LAMB1: variants seen among roughly 807,000 people sequenced by gnomAD.
LAMB1 encodes laminin subunit beta-1.
Under a neutral mutation model 222.3 loss-of-function variants are expected in LAMB1, and 121 were observed. The observed-to-expected ratio is 0.54, with a 90% CI of 0.47 to 0.63. LAMB1 has a LOEUF of 0.63. Ranked by LOEUF, LAMB1 falls within the 30% of genes least tolerant of loss-of-function variation. The pLI is 0.00. For missense variants in LAMB1, 2,172 were observed against 2,240.8 expected (o/e 0.97, Z 0.62); for synonymous variants, 794 against 807.2 (o/e 0.98, Z 0.28).
At position 107,952,037 on chromosome 7, in the gene LAMB1, G is replaced by A. The variant is rs1442505482; in HGVS notation, c.3266C>T (p.Ala1089Val). Residue 1089 changes from alanine (A) to valine (V), a missense_variant, in exon 23 of 34, where the codon GCT (alanine) becomes GTT (valine). Coordinates refer to ENST00000222399, the MANE Select transcript of LAMB1 (RefSeq NM_002291.3). ...TGCDPCNCNA[A>V]HSFGPSCNEF... Reference sequence around the variant, plus strand: ...ATTGCAAGATGGCCCGAAGGAATGAGCAGCATTGCAGTTGCATGGGTCACA... The same window carrying A: ...ATTGCAAGATGGCCCGAAGGAATGAACAGCATTGCAGTTGCATGGGTCACA... 6.2e-7 allele frequency: 1 copy of A among 1,613,352 alleles called. No individual in the cohort carries two copies. Among genetic ancestry groups the A allele is most frequent in the Non-Finnish European group, 8.5e-7 (1 of 1,179,570 alleles).
chr7:108,002,319 G>A, intron 2 of LAMB1: 2 of 1,316,608 alleles, frequency 1.5e-6, no homozygotes, highest in Non-Finnish European at 2.0e-6. Flanking sequence ...CCCATGGACA[G>A]TCCCTGGGGC....
At chr7:107,944,808 C>T (rs908094797) in intron 24 of LAMB1, among the ~76,000 whole-genome samples, 1 of 152,210 alleles carries the variant, frequency 6.6e-6, no homozygotes, top group Non-Finnish European at 1.5e-5. Context: ...TTCATGGACA[C>T]TAATGTATGG....
At chr7:107,937,381 A>G in intron 25 of LAMB1, 104 bp from the exon 26 acceptor site, 1 of 829,068 alleles carries the variant, frequency 1.2e-6, no homozygotes, top group Non-Finnish European at 1.9e-6. Flanking sequence ...ATTTCAAACC[A>G]ATTCAGTAAT....
chr7:108,001,575 T>C lies in LAMB1; in HGVS notation c.196A>G (p.Ile66Val). Residue 66 changes from isoleucine to valine, a missense_variant, in exon 3 of 34, where the codon ATC becomes GTC. Ile to Val is a conservative substitution (Grantham distance 29). Coordinates refer to ENST00000222399, the MANE Select transcript of LAMB1 (RefSeq NM_002291.3). ...CGLHKPEPYC[I>V]VSHLQEDKKC... The stretch of plus-strand genomic sequence containing the variant: ...GCCCTCACCTGCAAGTGGCTGACGA[T>C]ACAGTAGGGTTCGGGCTTGTGCAGC... 6.2e-7 allele frequency: 1 copy of C among 1,609,576 alleles called. No homozygotes were observed. Among genetic ancestry groups the C allele is most frequent in the African/African-American group, 1.3e-5 (1 of 74,982 alleles).
At chr7:107,929,773 A>G in intron 29 of LAMB1, 154 bp from the exon 30 acceptor site, 3 of 590,686 alleles carry the variant, frequency 5.1e-6, no homozygotes, top group Non-Finnish European at 5.9e-6. Context: ...TCTATCTGGG[A>G]TTTTGAGGGG....
chr7:107,973,144 T>G, intron 12 of LAMB1, 73 bp from the exon 13 acceptor site: 1 of 1,239,952 alleles, frequency 8.1e-7, no homozygotes, highest in South Asian at 1.2e-5. Context: ...ACAAGCAAGT[T>G]AAAGCTTGTT....
intron 2 of LAMB1, 41 bp downstream of exon 2, chr7:108,002,808 C>T (rs771219099): frequency 6.2e-7 from 1 of 1,613,822 alleles, no homozygotes; most frequent in African/African-American, 1.3e-5. Context: ...TTCCCCATGC[C>T]CAAGTCCGTC....
At chr7:108,003,051 C>G in intron 1 of LAMB1, 60 bp downstream of exon 1, 1 of 1,414,388 alleles carries the variant, frequency 7.1e-7, no homozygotes, top group South Asian at 1.5e-5. Context: ...GTCGCTCCCA[C>G]GGAAGCGGGG....
At chr7:107,996,405 T>C (rs1172226462) in intron 4 of LAMB1, among the ~76,000 whole-genome samples, 2 of 152,172 alleles carry the variant, frequency 1.3e-5, no homozygotes, top group Non-Finnish European at 2.9e-5. Flanking sequence ...TGGGTAAAAA[T>C]AGTCGTACAT....
chr7:107,952,182 T>C lies in LAMB1; in HGVS notation c.3121A>G (p.Asn1041Asp). ...NYLGTVQEHCNGSDCQCDKAT... is the reference protein window; with the variant it reads ...NYLGTVQEHCDGSDCQCDKAT... ...TTGTCGCACTGGCAGTCAGAGCCGT[T>C]ACAGTGCTCTTGCACGGTGCCCAGG... The change falls in exon 23 of 34, where the codon AAC becomes GAC. Residue 1041 changes from asparagine (N) to aspartate (D), a missense_variant. Asn to Asp is a conservative substitution (Grantham distance 23). Transcript: ENST00000222399. 1 of 1,613,106 alleles carries C rather than the reference T, an allele frequency of 6.2e-7. No homozygotes were observed. The highest frequency in any genetic ancestry group is 8.5e-7 in the Non-Finnish European group (1 of 1,179,290).
chr7:107,944,925 G>A (rs73195539), intron 24 of LAMB1, among the ~76,000 whole-genome samples: 7,718 of 152,274 alleles, frequency 0.051, 267 homozygotes, highest in East Asian at 0.12. Context: ...TCTCTTAAGA[G>A]AAAGGAATCA....
rs1247745974 is a variant in LAMB1, at chr7:107,964,567, T to C, written c.1683A>G (p.Glu561=). ...TLDHYLYEAE[E]ANLGPGVSIV... ...CCCTACTCACAGGCCCCAAGTTGGC[T>C]TCCTCCGCTTCATAGAGGTAGTGAT... The change falls in exon 14 of 34, where the codon GAA becomes GAG. Residue 561 remains glutamate (E), a synonymous_variant. Transcript: ENST00000222399. The C allele has an allele frequency of 1.2e-6, 2 of 1,614,156 alleles. No individual in the cohort carries two copies. Among genetic ancestry groups the C allele is most frequent in the East Asian group, 4.5e-5 (2 of 44,878 alleles).
intron 7 of LAMB1, among the ~76,000 whole-genome samples, chr7:107,982,780 C>T (rs572865392): frequency 1.3e-5 from 2 of 152,328 alleles, no homozygotes; most frequent in Non-Finnish European, 2.9e-5. Context: ...AAGTGAGTCT[C>T]AGGTCTCAAC....
intron 3 of LAMB1, among the ~76,000 whole-genome samples, chr7:108,000,326 TA>T (rs1406465161): frequency 6.6e-6 from 1 of 152,196 alleles, no homozygotes; most frequent in African/African-American, 2.4e-5. Context: ...TCCTTTGGTC[TA>T]ATTGATCAGG....
intron 25 of LAMB1, among the ~76,000 whole-genome samples, chr7:107,939,499 C>G (rs536312374): frequency 1.3e-5 from 2 of 152,270 alleles, no homozygotes; most frequent in South Asian, 4.1e-4. Context: ...AGTAGCAATA[C>G]TTAATTTATA....
At chr7:107,931,612 A>T in intron 28 of LAMB1, 112 bp from the exon 29 acceptor site, 1 of 1,016,224 alleles carries the variant, frequency 9.8e-7, no homozygotes, top group South Asian at 1.4e-5. Flanking sequence ...TTGGAATCAT[A>T]TGTCTGGGAA....
intron 26 of LAMB1, among the ~76,000 whole-genome samples, chr7:107,935,936 T>C (rs2032836982): frequency 6.6e-6 from 1 of 152,218 alleles, no homozygotes; most frequent in Non-Finnish European, 1.5e-5. Context: ...CAGTTCTTTA[T>C]AAATAGCTGG....
chr7:107,997,850 G>A (rs1200854491), intron 4 of LAMB1, among the ~76,000 whole-genome samples: 1 of 152,064 alleles, frequency 6.6e-6, no homozygotes, highest in East Asian at 1.9e-4. Context: ...ATTTGACTTG[G>A]GGTCATATCC....
intron 5 of LAMB1, among the ~76,000 whole-genome samples, chr7:107,994,331 C>G (rs1327217038): frequency 6.6e-6 from 1 of 152,184 alleles, no homozygotes; most frequent in Non-Finnish European, 1.5e-5. Context: ...TCTTAAGGAA[C>G]TGTAAAACTG....
Sources: gnomAD v4.1 joint callset for allele counts (sites outside exome capture counted in the v4.1 genomes callset) on GRCh38, gnomAD v4.1.1 for gene constraint, MANE v1.5 for transcripts, NCBI Gene and HGNC (gene_info 2026-07-23, HGNC 2026-07-21) for gene names.